MAP3K5: variants seen among roughly 807,000 people sequenced by gnomAD.
The protein encoded by MAP3K5 is mitogen-activated protein kinase kinase kinase 5.
Under a neutral mutation model 158.7 loss-of-function variants are expected in MAP3K5, and 56 were observed. That is an observed-to-expected ratio of 0.35 (90% confidence interval 0.28 to 0.44). MAP3K5 has a LOEUF of 0.44. Ranked by LOEUF, MAP3K5 falls within the 20% of genes least tolerant of loss-of-function variation. The pLI, the probability that MAP3K5 is intolerant of heterozygous loss-of-function variation, is 1.00. For missense variants in MAP3K5, 1,294 were observed against 1,674.8 expected (o/e 0.77, Z 3.97); for synonymous variants, 579 against 601.7 (o/e 0.96, Z 0.55).
intron 1 of MAP3K5, among the ~76,000 whole-genome samples, chr6:136,752,329 G>A (rs1219446594): frequency 2.6e-5 from 4 of 152,214 alleles, no homozygotes; most frequent in South Asian, 2.1e-4. Context: ...AAACAACACA[G>A]TCAGAGAGCC....
chr6:136,587,666 TC>T (rs1393989248), intron 23 of MAP3K5, among the ~76,000 whole-genome samples: 3 of 152,130 alleles, frequency 2.0e-5, no homozygotes, highest in African/African-American at 7.2e-5. Flanking sequence ...AGGAAAGGAT[TC>T]CCAACATCCT....
chr6:136,576,604 A>T lies in MAP3K5; in HGVS notation c.3517+3697T>A, dbSNP rs566521510. Among the ~76,000 whole-genome samples, 31 of 152,246 alleles carry T rather than the reference A, an allele frequency of 2.0e-4. No individual in the cohort carries two copies. In the South Asian group the frequency reaches 6.2e-3, roughly 31 times the overall value. On this transcript the variant is annotated intron_variant, in intron 25 of 29. Coordinates refer to ENST00000359015, the MANE Select transcript of MAP3K5 (RefSeq NM_005923.4). ...TTACAGGGGTGAGACACCATGCCCA[A>T]CTACAATCTTATCTTTTATTTCCCC... is the stretch of plus-strand genomic sequence containing the variant.
chr6:136,561,915 T>G (rs1395340130), intron 27 of MAP3K5, among the ~76,000 whole-genome samples: 2 of 152,224 alleles, frequency 1.3e-5, no homozygotes, highest in Non-Finnish European at 2.9e-5. Context: ...TAGAATAAAC[T>G]CTGTGCACCA....
At chr6:136,654,813 G>C (rs1562583457) in intron 10 of MAP3K5, among the ~76,000 whole-genome samples, 1 of 151,446 alleles carries the variant, frequency 6.6e-6, no homozygotes, top group East Asian at 1.9e-4. Flanking sequence ...TGACAATTTT[G>C]CACAGTTTTA....
chr6:136,626,024 A>C (rs991714981), intron 14 of MAP3K5, among the ~76,000 whole-genome samples: 6 of 152,230 alleles, frequency 3.9e-5, no homozygotes, highest in African/African-American at 1.2e-4. Flanking sequence ...TGACATAGGG[A>C]AACTACAAAA....
At chr6:136,714,302 G>A (rs922273344) in intron 2 of MAP3K5, among the ~76,000 whole-genome samples, 8 of 152,088 alleles carry the variant, frequency 5.3e-5, no homozygotes, top group African/African-American at 1.9e-4. Context: ...TTACAAACTG[G>A]TATAATCATC....
intron 15 of MAP3K5, among the ~76,000 whole-genome samples, chr6:136,620,440 G>GA (rs1776749824): frequency 6.6e-6 from 1 of 151,964 alleles, no homozygotes; most frequent in African/African-American, 2.4e-5. Flanking sequence ...GTTAAAAAAG[G>GA]AAAAAAATCC....
At chr6:136,593,512 G>A (rs1031234341) in intron 21 of MAP3K5, among the ~76,000 whole-genome samples, 2 of 152,072 alleles carry the variant, frequency 1.3e-5, no homozygotes, top group Non-Finnish European at 2.9e-5. Flanking sequence ...CAGGAGGCTG[G>A]GAAACCCCAG....
chr6:136,732,144 A>T (rs1348036181), intron 1 of MAP3K5, among the ~76,000 whole-genome samples: 1 of 152,104 alleles, frequency 6.6e-6, no homozygotes, highest in East Asian at 1.9e-4. Context: ...GGAGAGAAGT[A>T]CCAGGCGCAG....
At chr6:136,768,457 T>C (rs1737545476) in intron 1 of MAP3K5, among the ~76,000 whole-genome samples, 1 of 152,212 alleles carries the variant, frequency 6.6e-6, no homozygotes, top group African/African-American at 2.4e-5. Flanking sequence ...TCAACACCAT[T>C]AGTCATTAGG....
chr6:136,790,782 C>T (rs1785042254), intron 1 of MAP3K5, among the ~76,000 whole-genome samples: 1 of 152,206 alleles, frequency 6.6e-6, no homozygotes, highest in Admixed American at 6.5e-5. Flanking sequence ...TGTATATATT[C>T]TCAACACTGG....
intron 25 of MAP3K5, among the ~76,000 whole-genome samples, chr6:136,568,682 G>C (rs1774226838): frequency 6.6e-6 from 1 of 151,972 alleles, no homozygotes; most frequent in Non-Finnish European, 1.5e-5. Flanking sequence ...AGACCAGCCT[G>C]GCCAACATAG....
At chr6:136,641,402 GT>G (rs1408896788) in intron 12 of MAP3K5, among the ~76,000 whole-genome samples, 7 of 152,320 alleles carry the variant, frequency 4.6e-5, no homozygotes, top group Middle Eastern at 3.4e-3. Flanking sequence ...GGGGTAAACA[GT>G]AGTTAGCACA....
At chr6:136,792,601 G>T (rs888863818), upstream of MAP3K5, 7 of 158,172 alleles carry the variant, frequency 4.4e-5, no homozygotes, top group Non-Finnish European at 5.4e-5. The surrounding 1 kb of genome is among the most constrained non-coding windows in gnomAD (Gnocchi z 5.7). Context: ...TCTGGGAGGG[G>T]CCAGGAAGGG....
chr6:136,601,797 C>A lies in MAP3K5; in HGVS notation c.2857+5G>T, dbSNP rs778599991. 2 of 1,613,662 alleles carry A rather than the reference C, an allele frequency of 1.2e-6. No homozygotes were observed. The highest frequency in any genetic ancestry group is 1.7e-6 in the Non-Finnish European group (2 of 1,179,806). On this transcript the variant is annotated splice_donor_5th_base_variant and intron_variant, in intron 20 of 29. Coordinates refer to ENST00000359015, the MANE Select transcript of MAP3K5 (RefSeq NM_005923.4). The stretch of plus-strand genomic sequence containing the variant: ...GACTATATCCTCTTCAATGCAACCA[C>A]ATACCTGAAAGCTTAGGTTGTGTCT...
At chr6:136,736,387 C>G (rs1782463018) in intron 1 of MAP3K5, among the ~76,000 whole-genome samples, 1 of 152,174 alleles carries the variant, frequency 6.6e-6, no homozygotes, top group East Asian at 1.9e-4. Flanking sequence ...CTAATAGTAT[C>G]TGTAATTCTG....
At chr6:136,774,960 G>A (rs1784349835) in intron 1 of MAP3K5, among the ~76,000 whole-genome samples, 1 of 152,116 alleles carries the variant, frequency 6.6e-6, no homozygotes, top group Non-Finnish European at 1.5e-5. Flanking sequence ...GTCATATCAC[G>A]TATGATGCAA....
At chr6:136,615,201 T>C (rs77415843) in intron 15 of MAP3K5, among the ~76,000 whole-genome samples, 8,905 of 152,278 alleles carry the variant, frequency 0.058, 579 homozygotes, top group African/African-American at 0.15. Flanking sequence ...TTGGCTTTTA[T>C]TCATGATTCA....
chr6:136,610,694 A>T (rs1349794073), intron 18 of MAP3K5, among the ~76,000 whole-genome samples: 7 of 134,404 alleles, frequency 5.2e-5, no homozygotes, highest in Non-Finnish European at 7.7e-5. Context: ...GTTGAGAATT[A>T]AAAAAAAAAA....
Sources: gnomAD v4.1 joint callset for allele counts (sites outside exome capture counted in the v4.1 genomes callset) on GRCh38, gnomAD v4.1.1 for gene constraint, Gnocchi (gnomAD v3.1) non-coding constraint, MANE v1.5 for transcripts, NCBI Gene and HGNC (gene_info 2026-07-23, HGNC 2026-07-21) for gene names.